Variants in HCRTR2 observed in about 807,000 individuals in gnomAD.
The protein encoded by HCRTR2 is orexin receptor type 2.
Under a neutral mutation model 49.0 loss-of-function variants are expected in HCRTR2, and 22 were observed. The ratio of observed to expected loss-of-function variants is 0.45; its 90% CI spans 0.32 to 0.64. The LOEUF is 0.64. Ranked by LOEUF, HCRTR2 falls within the 30% of genes least tolerant of loss-of-function variation. The pLI is 0.04. For synonymous variants in HCRTR2, 236 were observed against 205.3 expected, an observed-to-expected ratio of 1.15 and a Z score of -1.28; for missense variants, 491 against 559.4, an observed-to-expected ratio of 0.88 and a Z score of 1.23.
At chr6:55,179,934 T>G (rs1290906892) in intron 1 of HCRTR2, among the ~76,000 whole-genome samples, 1 of 152,216 alleles carries the variant, frequency 6.6e-6, no homozygotes, top group Non-Finnish European at 1.5e-5. Flanking sequence ...CCTTCCATGT[T>G]TCTTCTTATA....
At chr6:55,140,318 C>G (rs1172212522) in intron 1 of HCRTR2, among the ~76,000 whole-genome samples, 1 of 152,040 alleles carries the variant, frequency 6.6e-6, no homozygotes, top group Non-Finnish European at 1.5e-5. Flanking sequence ...ACAAGGAGTT[C>G]TAGTCTGTCC....
At chr6:55,136,445 A>G (rs1207545559) in intron 1 of HCRTR2, among the ~76,000 whole-genome samples, 1 of 152,188 alleles carries the variant, frequency 6.6e-6, no homozygotes, top group African/African-American at 2.4e-5. Flanking sequence ...AGACACTGGG[A>G]AAAGAAATTC....
chr6:55,249,247 C>A (rs1211724240), intron 2 of HCRTR2, among the ~76,000 whole-genome samples: 1 of 152,010 alleles, frequency 6.6e-6, no homozygotes, highest in African/African-American at 2.4e-5. Context: ...TCTCTTGAAC[C>A]AATTAATGAT....
At chr6:55,195,141 C>T (rs959307262) in intron 1 of HCRTR2, among the ~76,000 whole-genome samples, 1 of 151,806 alleles carries the variant, frequency 6.6e-6, no homozygotes, top group African/African-American at 2.4e-5. Flanking sequence ...AACACAGTAA[C>T]CATATAGGAC....
intron 1 of HCRTR2, among the ~76,000 whole-genome samples, chr6:55,145,399 T>TG (rs1764565309): frequency 2.9e-5 from 3 of 102,508 alleles, no homozygotes; most frequent in African/African-American, 3.3e-5. Context: ...CTTTGTTTTT[T>TG]TTTTTGTTTT....
intron 1 of HCRTR2, among the ~76,000 whole-genome samples, chr6:55,133,815 A>G (rs182274271): frequency 7.2e-4 from 109 of 151,924 alleles, no homozygotes; most frequent in Non-Finnish European, 1.0e-3. Context: ...TCTTTCTTAA[A>G]TAATTTAATA....
rs139180472 is a variant in HCRTR2, at chr6:55,192,413, G to GCGCGCACACA, written c.223+17604_223+17605insGCGCACACAC. Among the ~76,000 whole-genome samples the GCGCGCACACA allele has an allele frequency of 9.2e-4, 118 of 128,518 alleles. No individual in the cohort carries two copies. In the East Asian group the frequency reaches 0.011, roughly 12 times the overall value. The allele number at this position is 128,518 out of a possible 152,430, so 84.3% of individuals were successfully genotyped here. On this transcript the variant is annotated intron_variant, in intron 1 of 6. Transcript: ENST00000370862. ...TAAACACACACACACGCGCGCGCGCGCACACACACACACACACACACACAC... is the reference window on the plus strand; with the variant it reads ...TAAACACACACACACGCGCGCGCGCGCGCGCACACACACACACACACACACACACACACAC...
intron 1 of HCRTR2, among the ~76,000 whole-genome samples, chr6:55,229,955 G>T (rs558841211): frequency 6.6e-6 from 1 of 152,108 alleles, no homozygotes; most frequent in Non-Finnish European, 1.5e-5. Context: ...TACACACACC[G>T]CTTCACAGGC....
chr6:55,146,587 A>AAC (rs1435651482), intron 1 of HCRTR2, among the ~76,000 whole-genome samples: 3 of 149,416 alleles, frequency 2.0e-5, no homozygotes, highest in Admixed American at 6.7e-5. Context: ...GTTAAAAAAA[A>AAC]AAAAACAAGC....
At chr6:55,182,308 G>A (rs1765147220) in intron 1 of HCRTR2, among the ~76,000 whole-genome samples, 1 of 152,208 alleles carries the variant, frequency 6.6e-6, no homozygotes, top group African/African-American at 2.4e-5. Flanking sequence ...TGGTCTGGGT[G>A]ACCAACAGCT....
intron 1 of HCRTR2, among the ~76,000 whole-genome samples, chr6:55,129,422 G>C (rs1415393526): frequency 6.6e-6 from 1 of 152,056 alleles, no homozygotes; most frequent in African/African-American, 2.4e-5. Context: ...ATGTAAGTAA[G>C]AGTTAATCAA....
chr6:55,159,925 T>C (rs996948160), intron 1 of HCRTR2, among the ~76,000 whole-genome samples: 2 of 152,142 alleles, frequency 1.3e-5, no homozygotes, highest in African/African-American at 4.8e-5. Context: ...CAGGATATTA[T>C]CCAGGAGAAC....
chr6:55,178,374 A>T (rs898413350), intron 1 of HCRTR2, among the ~76,000 whole-genome samples: 1 of 152,164 alleles, frequency 6.6e-6, no homozygotes, highest in Non-Finnish European at 1.5e-5. Context: ...CTTGTGTGCC[A>T]TTAGCAAGTT....
intron 4 of HCRTR2, among the ~76,000 whole-genome samples, chr6:55,275,278 G>C (rs1044033664): frequency 1.3e-5 from 2 of 152,108 alleles, no homozygotes; most frequent in African/African-American, 4.8e-5. Context: ...TAAAAGTGGG[G>C]TGCATGTATT....
intron 1 of HCRTR2, among the ~76,000 whole-genome samples, chr6:55,188,002 T>G (rs1765254511): frequency 6.6e-6 from 1 of 152,008 alleles, no homozygotes; most frequent in Non-Finnish European, 1.5e-5. Flanking sequence ...CAGGATGGTC[T>G]TGATCTCCTG....
intron 1 of HCRTR2, among the ~76,000 whole-genome samples, chr6:55,242,399 T>A (rs958690991): frequency 6.6e-6 from 1 of 152,090 alleles, no homozygotes; most frequent in African/African-American, 2.4e-5. Flanking sequence ...AAAAAAAATC[T>A]ACTTTCTATC....
chr6:55,264,826 T>A (rs1766833254), intron 4 of HCRTR2, among the ~76,000 whole-genome samples: 2 of 152,096 alleles, frequency 1.3e-5, no homozygotes, highest in Non-Finnish European at 2.9e-5. Flanking sequence ...GACATGCCAT[T>A]AGTCTGTTTT....
chr6:55,189,559 A>G (rs1019497416), intron 1 of HCRTR2, among the ~76,000 whole-genome samples: 1 of 152,230 alleles, frequency 6.6e-6, no homozygotes, highest in African/African-American at 2.4e-5. Flanking sequence ...TAAACACTGC[A>G]TGTTCTCACT....
intron 1 of HCRTR2, among the ~76,000 whole-genome samples, chr6:55,139,638 G>A (rs537789840): frequency 6.6e-6 from 1 of 152,252 alleles, no homozygotes; most frequent in East Asian, 1.9e-4. Flanking sequence ...GATCAAAGGA[G>A]GTAATGTGTA....
Sources: gnomAD v4.1 joint callset for allele counts (sites outside exome capture counted in the v4.1 genomes callset) on GRCh38, gnomAD v4.1.1 for gene constraint, MANE v1.5 for transcripts, NCBI Gene and HGNC (gene_info 2026-07-23, HGNC 2026-07-21) for gene names.